Variants in ARL15 observed in about 807,000 individuals in gnomAD.
The protein encoded by ARL15 is ADP-ribosylation factor-like protein 15.
ARL15 carries 19 observed loss-of-function variants against 25.2 expected under a neutral mutation model. The ratio of observed to expected loss-of-function variants is 0.75; its 90% CI spans 0.53 to 1.10. The LOEUF (loss-of-function observed/expected upper bound fraction) is 1.10. Among genes scored for constraint, ARL15 ranks in the 50% least tolerant of loss-of-function variants. The pLI is 0.00. For missense variants in ARL15, 220 were observed against 246.0 expected (o/e 0.89, Z 0.71); for synonymous variants, 94 against 86.8 (o/e 1.08, Z -0.46).
chr5:54,291,656 C>T (rs995680680), intron 1 of ARL15, among the ~76,000 whole-genome samples: 2 of 152,092 alleles, frequency 1.3e-5, no homozygotes, highest in Non-Finnish European at 2.9e-5. Flanking sequence ...AATCCAAAGC[C>T]AAGCCGCCCA....
chr5:54,100,390 A>G (rs965136242), intron 4 of ARL15, among the ~76,000 whole-genome samples: 2 of 152,116 alleles, frequency 1.3e-5, no homozygotes, highest in Admixed American at 1.3e-4. Flanking sequence ...GATCTGAAAC[A>G]AACATGATAA....
intron 4 of ARL15, among the ~76,000 whole-genome samples, chr5:53,908,519 C>T (rs1158310451): frequency 6.6e-6 from 1 of 152,114 alleles, no homozygotes; most frequent in African/African-American, 2.4e-5. Context: ...CATTTTCTTT[C>T]ACTGACTCAG....
chr5:53,942,446 A>T (rs1049450261), intron 4 of ARL15, among the ~76,000 whole-genome samples: 3 of 152,116 alleles, frequency 2.0e-5, no homozygotes, highest in African/African-American at 7.2e-5. Flanking sequence ...TCATTGGTGT[A>T]TTTAAAACCA....
intron 4 of ARL15, among the ~76,000 whole-genome samples, chr5:53,970,657 G>T (rs6890583): frequency 6.6e-6 from 1 of 152,182 alleles, no homozygotes; most frequent in African/African-American, 2.4e-5. Context: ...ACAACTCAAC[G>T]CAACAGATGA....
chr5:54,254,214 C>A (rs1757309690), intron 1 of ARL15, among the ~76,000 whole-genome samples: 1 of 152,144 alleles, frequency 6.6e-6, no homozygotes, highest in Admixed American at 6.5e-5. Context: ...TAATGAAGAT[C>A]CTTTGTCAAC....
chr5:53,992,802 T>C (rs1389773819), intron 4 of ARL15, among the ~76,000 whole-genome samples: 1 of 152,194 alleles, frequency 6.6e-6, no homozygotes, highest in East Asian at 1.9e-4. Flanking sequence ...GGCTCACGCC[T>C]GTAATCTCAG....
intron 4 of ARL15, among the ~76,000 whole-genome samples, chr5:53,894,711 T>C (rs1022960307): frequency 6.6e-6 from 1 of 152,170 alleles, no homozygotes; most frequent in African/African-American, 2.4e-5. Flanking sequence ...GAGGGATTCC[T>C]GCATCCAGGC....
intron 4 of ARL15, among the ~76,000 whole-genome samples, chr5:53,929,911 T>C (rs1746148189): frequency 6.6e-6 from 1 of 152,060 alleles, no homozygotes; most frequent in Non-Finnish European, 1.5e-5. Context: ...GCACACTTGC[T>C]GCTAACCTGA....
Position 53,947,484 on chromosome 5 carries a change from C to G in ARL15, c.463-60771G>C, listed in dbSNP as rs568083430. 2.0e-5 allele frequency among the ~76,000 whole-genome samples: 3 copies of G among 152,192 alleles called. No individual in the cohort carries two copies. In the South Asian group the frequency reaches 6.2e-4, roughly 32 times the overall value. ...GAATTGGAGGAATAATCCAAAGCCC[C>G]GTATCTCACTCCTCCAGAGATATAT... is the stretch of plus-strand genomic sequence containing the variant. On this transcript the variant is annotated intron_variant, in intron 4 of 4. Transcript: ENST00000504924.
At chr5:54,137,777 T>C (rs571730017) in intron 3 of ARL15, among the ~76,000 whole-genome samples, 1 of 152,298 alleles carries the variant, frequency 6.6e-6, no homozygotes, top group Non-Finnish European at 1.5e-5. Context: ...TAAAGAATAT[T>C]CCCAATGAAA....
At chr5:54,107,798 T>A (rs1752633284) in intron 4 of ARL15, among the ~76,000 whole-genome samples, 1 of 152,194 alleles carries the variant, frequency 6.6e-6, no homozygotes, top group African/African-American at 2.4e-5. Context: ...TTGAGATGTA[T>A]AACTTTATTA....
At chr5:54,155,602 C>T (rs557674215) in intron 2 of ARL15, among the ~76,000 whole-genome samples, 38 of 151,628 alleles carry the variant, frequency 2.5e-4, no homozygotes, top group Non-Finnish European at 4.4e-4. Flanking sequence ...CTATGATTAA[C>T]TATATATTTA....
At chr5:54,086,619 CCTTCCT>C (rs1751972524) in intron 4 of ARL15, among the ~76,000 whole-genome samples, 1 of 151,888 alleles carries the variant, frequency 6.6e-6, no homozygotes, top group African/African-American at 2.4e-5. Context: ...GAATATTAAC[CCTTCCT>C]CTACCTGCTA....
intron 3 of ARL15, among the ~76,000 whole-genome samples, chr5:54,117,348 T>C (rs549864582): frequency 5.2e-4 from 74 of 142,090 alleles, no homozygotes; most frequent in African/African-American, 1.9e-3. Flanking sequence ...GTACATATGG[T>C]ACCTGCAAAT....
intron 3 of ARL15, among the ~76,000 whole-genome samples, chr5:54,129,411 G>A (rs949250070): frequency 1.3e-5 from 2 of 152,300 alleles, no homozygotes; most frequent in East Asian, 3.9e-4. Flanking sequence ...CATTATGTGG[G>A]TGATGGAAGA....
In ARL15 at chr5:54,091,253, GAC is replaced by G. The variant is rs531772852; in HGVS notation, c.462+21947_462+21948del. On this transcript the variant is annotated intron_variant, in intron 4 of 4. Transcript: ENST00000504924. ...GCAATTAAAGTGTCAACACTCCCAA[GAC>G]CAGCCAAACAACCTTTTGGCAAATG... is the stretch of plus-strand genomic sequence containing the variant. Among the ~76,000 whole-genome samples the G allele has an allele frequency of 5.2e-3, 794 of 152,266 alleles. 5 individuals carry two copies. The highest frequency in any genetic ancestry group is 7.2e-3 in the Non-Finnish European group (489 of 68,022).
Position 53,884,669 on chromosome 5 carries a change from T to TGAACACACACAC in ARL15, c.*1880_*1891dup, listed in dbSNP as rs1744460906. 1 of 152,064 alleles carries TGAACACACACAC rather than the reference T, an allele frequency of 6.6e-6. No homozygotes were observed. The highest frequency in any genetic ancestry group is 6.6e-5 in the Admixed American group (1 of 15,220). The allele number at this position is 152,064 out of a possible 1,614,324, so 9.4% of individuals were successfully genotyped here. A position where few individuals can be genotyped will look rare whatever the true frequency, so the allele number is the denominator to read the frequency against. On this transcript the variant is annotated 3_prime_UTR_variant, in exon 5 of 5. Transcript: ENST00000504924. The stretch of plus-strand genomic sequence containing the variant: ...GAGAGGCCCATCACTGGCGCACACA[T>TGAACACACACAC]GAACACACACACGCAGACCACGGGA...
chr5:54,132,743 T>G (rs988122332), intron 3 of ARL15, among the ~76,000 whole-genome samples: 10 of 152,190 alleles, frequency 6.6e-5, no homozygotes, highest in African/African-American at 1.9e-4. Context: ...GGTAACTTCC[T>G]GATGTTGCCA....
At chr5:54,022,517 C>T (rs1749638910) in intron 4 of ARL15, among the ~76,000 whole-genome samples, 1 of 152,138 alleles carries the variant, frequency 6.6e-6, no homozygotes, top group Admixed American at 6.5e-5. Flanking sequence ...GGAAAGGAGA[C>T]TAAAGGTCAA....
Sources: gnomAD v4.1 joint callset for allele counts (sites outside exome capture counted in the v4.1 genomes callset) on GRCh38, gnomAD v4.1.1 for gene constraint, MANE v1.5 for transcripts, NCBI Gene and HGNC (gene_info 2026-07-23, HGNC 2026-07-21) for gene names.